The following CTNND2 variants were observed in gnomAD, a reference collection of about 807,000 sequenced individuals.
CTNND2 encodes catenin delta 2, also known as catenin delta-2.
A neutral mutation model predicts 144.4 loss-of-function variants in CTNND2; 22 were observed. The observed-to-expected ratio is 0.15, with a 90% CI of 0.11 to 0.22. The LOEUF (loss-of-function observed/expected upper bound fraction) is 0.22. Among genes scored for constraint, CTNND2 ranks in the 10% least tolerant of loss-of-function variants. The pLI is 1.00. For synonymous variants in CTNND2, 751 were observed against 695.6 expected, an observed-to-expected ratio of 1.08 and a Z score of -1.25; for missense variants, 1,353 against 1,618.8, an observed-to-expected ratio of 0.84 and a Z score of 2.82.
At chr5:11,338,236 T>C (rs1344479133) in intron 9 of CTNND2, among the ~76,000 whole-genome samples, 3 of 152,192 alleles carry the variant, frequency 2.0e-5, no homozygotes, top group Admixed American at 6.5e-5. Context: ...TCTAGCTAGC[T>C]TGGATTTGGC....
chr5:11,699,122 A>T (rs1785289128), intron 2 of CTNND2, among the ~76,000 whole-genome samples: 2 of 152,066 alleles, frequency 1.3e-5, no homozygotes, highest in Admixed American at 1.3e-4. Context: ...AAGTGTCACT[A>T]CATATGTCAA....
At position 11,117,555 on chromosome 5, in the gene CTNND2, C is replaced by T. The variant is rs775044101; in HGVS notation, c.2172G>A (p.Ser724=). The change falls in exon 13 of 22, where the codon TCG becomes TCA. Residue 724 remains serine (S), a synonymous_variant. Coordinates refer to ENST00000304623, the MANE Select transcript of CTNND2 (RefSeq NM_001332.4). The part of the protein sequence containing the change: ...NATGCLRNVS[S]AGEEARRRMR... ...TCCTTCTGCGGGCCTCCTCTCCGGCCGAACTAACATTCCTGCAAAGCAAAA... is the reference window on the plus strand; with the variant it reads ...TCCTTCTGCGGGCCTCCTCTCCGGCTGAACTAACATTCCTGCAAAGCAAAA... 16 of 1,613,894 alleles carry T rather than the reference C, an allele frequency of 9.9e-6. No individual in the cohort carries two copies. Among genetic ancestry groups the T allele is most frequent in the East Asian group, 2.2e-5 (1 of 44,896 alleles).
At chr5:11,888,542 A>G (rs1736725879) in intron 1 of CTNND2, among the ~76,000 whole-genome samples, 1 of 152,190 alleles carries the variant, frequency 6.6e-6, no homozygotes, top group East Asian at 1.9e-4. Flanking sequence ...CACCAAATGA[A>G]GAATTTCAGG....
At chr5:11,775,431 G>A (rs904760454) in intron 1 of CTNND2, among the ~76,000 whole-genome samples, 3 of 152,182 alleles carry the variant, frequency 2.0e-5, no homozygotes, top group Admixed American at 2.0e-4. Context: ...GACGAGAGAA[G>A]CACAGGAAGG....
intron 1 of CTNND2, among the ~76,000 whole-genome samples, chr5:11,871,864 G>A (rs1435886432): frequency 6.6e-6 from 1 of 152,056 alleles, no homozygotes; most frequent in African/African-American, 2.4e-5. Context: ...TAGTTTTAGG[G>A]GGAGGCGTAA....
intron 1 of CTNND2, among the ~76,000 whole-genome samples, chr5:11,819,867 G>A (rs1793219949): frequency 6.6e-6 from 1 of 152,178 alleles, no homozygotes; most frequent in African/African-American, 2.4e-5. Flanking sequence ...GCCTGCAACA[G>A]TCTCAGAAGG....
intron 15 of CTNND2, chr5:11,083,890 G>A: frequency 1.8e-6 from 2 of 1,133,302 alleles, no homozygotes; most frequent in Non-Finnish European, 2.2e-6. Context: ...CCTGTGGCAG[G>A]CAGGGAGCCC....
At chr5:11,571,728 C>A (rs1395760327) in intron 2 of CTNND2, among the ~76,000 whole-genome samples, 1 of 152,114 alleles carries the variant, frequency 6.6e-6, no homozygotes, top group Non-Finnish European at 1.5e-5. Flanking sequence ...AACTCACCCC[C>A]CTGCTTAGAA....
chr5:11,068,264 G>C (rs80056113), intron 16 of CTNND2, among the ~76,000 whole-genome samples: 3,568 of 152,234 alleles, frequency 0.023, 153 homozygotes, highest in African/African-American at 0.081. Context: ...GCATCCCTCA[G>C]GGAGCCTTGA....
chr5:11,159,665 G>A lies in CTNND2; in HGVS notation c.2070C>T (p.His690=). The A allele has an allele frequency of 6.2e-7, 1 of 1,613,692 alleles. No individual in the cohort carries two copies. Among genetic ancestry groups the A allele is most frequent in the Non-Finnish European group, 8.5e-7 (1 of 1,179,806 alleles). Residue 690 remains histidine (H), a synonymous_variant, in exon 12 of 22, where the codon CAC becomes CAT. Coordinates refer to ENST00000304623, the MANE Select transcript of CTNND2 (RefSeq NM_001332.4). ...GAAGAGGCGAATTTTCCCAGCCTGA[G>A]TGGGGGATAATCACCGCGTTGGTCA... ...AVLTNAVIIP[H]SGWENSPLQD... is the part of the protein sequence containing the mutation.
intron 2 of CTNND2, among the ~76,000 whole-genome samples, chr5:11,645,178 T>A (rs2126518151): frequency 6.6e-6 from 1 of 152,130 alleles, no homozygotes; most frequent in East Asian, 1.9e-4. Flanking sequence ...GTTACCCAAG[T>A]TGGTCTTGAA....
At chr5:11,902,510 C>T (rs573266983) in intron 1 of CTNND2, among the ~76,000 whole-genome samples, 1 of 152,056 alleles carries the variant, frequency 6.6e-6, no homozygotes, top group Non-Finnish European at 1.5e-5. Context: ...TAGCTTCAGC[C>T]CCTGATGAAG....
chr5:11,065,063 T>C (rs1450788102), intron 16 of CTNND2, among the ~76,000 whole-genome samples: 1 of 152,234 alleles, frequency 6.6e-6, no homozygotes, highest in East Asian at 1.9e-4. Context: ...TTCTAAACAT[T>C]TCTACATCTT....
chr5:11,618,603 A>C (rs934430632), intron 2 of CTNND2, among the ~76,000 whole-genome samples: 15 of 152,212 alleles, frequency 9.9e-5, no homozygotes, highest in Non-Finnish European at 1.9e-4. Flanking sequence ...GTAATTTGGT[A>C]AAAATACTAC....
At chr5:11,615,254 A>G (rs1233113828) in intron 2 of CTNND2, among the ~76,000 whole-genome samples, 1 of 152,200 alleles carries the variant, frequency 6.6e-6, no homozygotes, top group Non-Finnish European at 1.5e-5. Context: ...AAAAACCGCA[A>G]TTACTTTTGC....
In CTNND2 at chr5:11,231,183, T is replaced by C. The variant is rs555716873; in HGVS notation, c.1761+5508A>G. Among the ~76,000 whole-genome samples, 64 of 152,292 alleles carry C rather than the reference T, an allele frequency of 4.2e-4. 1 individual carries two copies. The highest frequency in any genetic ancestry group is 1.5e-3 in the African/African-American group (63 of 41,564). On this transcript the variant is annotated intron_variant, in intron 10 of 21. Transcript: ENST00000304623. ...TGCCTTCTGCCATGATTGTAAGTTTTCTGAGGCATCTCCAGTCCTGTGAGT... is the reference window on the plus strand; with the variant it reads ...TGCCTTCTGCCATGATTGTAAGTTTCCTGAGGCATCTCCAGTCCTGTGAGT...
intron 1 of CTNND2, among the ~76,000 whole-genome samples, chr5:11,812,756 A>G (rs1241247766): frequency 6.6e-6 from 1 of 152,194 alleles, no homozygotes; most frequent in Non-Finnish European, 1.5e-5. Context: ...GTTTTCTGAT[A>G]AGGGAAGACA....
At chr5:11,899,199 G>A (rs1182401616) in intron 1 of CTNND2, among the ~76,000 whole-genome samples, 5 of 152,160 alleles carry the variant, frequency 3.3e-5, no homozygotes, top group African/African-American at 1.2e-4. Flanking sequence ...ATGACATGAT[G>A]ATGAGATTCA....
chr5:11,714,748 T>C (rs1786254378), intron 2 of CTNND2, among the ~76,000 whole-genome samples: 1 of 151,026 alleles, frequency 6.6e-6, no homozygotes, highest in Non-Finnish European at 1.5e-5. Flanking sequence ...CTACTAAAAA[T>C]ACAAAAAAAA....
Sources: gnomAD v4.1 joint callset for allele counts (sites outside exome capture counted in the v4.1 genomes callset) on GRCh38, gnomAD v4.1.1 for gene constraint, MANE v1.5 for transcripts, NCBI Gene and HGNC (gene_info 2026-07-23, HGNC 2026-07-21) for gene names.